Variants in DIAPH1 observed in about 807,000 individuals in gnomAD.
DIAPH1 encodes the protein diaphanous related formin 1.
In DIAPH1, 46 loss-of-function variants were observed where a neutral mutation model predicts 140.7. That is an observed-to-expected ratio of 0.33 (90% confidence interval 0.26 to 0.42). The LOEUF is 0.42. DIAPH1 is among the 10% of genes least tolerant of loss of function. DIAPH1 has a pLI of 1.00. For synonymous variants in DIAPH1, 565 were observed against 551.6 expected (o/e 1.02, Z -0.34); for missense variants, 1,310 against 1,558.7 (o/e 0.84, Z 2.69).
Position 141,516,743 on chromosome 5 carries a change from T to A in DIAPH1, c.*108A>T. On this transcript the variant is annotated 3_prime_UTR_variant, in exon 28 of 28. Transcript: ENST00000389054. ...AGAGAGAAAGACAGGGTCAGGGTGG[T>A]GGGAGTGGCCACCCCAGAGGAATAT... is the stretch of plus-strand genomic sequence containing the variant. 1 of 1,237,406 alleles carries A rather than the reference T, an allele frequency of 8.1e-7. No individual in the cohort carries two copies. The highest frequency in any genetic ancestry group is 1.2e-6 in the Non-Finnish European group (1 of 857,440). The allele number at this position is 1,237,406 out of a possible 1,614,324, so 76.7% of individuals were successfully genotyped here.
At chr5:141,583,394 C>T in intron 5 of DIAPH1, 91 bp downstream of exon 5, 2 of 1,609,762 alleles carry the variant, frequency 1.2e-6, no homozygotes, top group Non-Finnish European at 1.7e-6. Context: ...TCAGACTATT[C>T]TCATGCTTCC....
intron 14 of DIAPH1, among the ~76,000 whole-genome samples, chr5:141,575,656 A>G (rs529357786): frequency 1.4e-4 from 22 of 152,288 alleles, no homozygotes; most frequent in African/African-American, 4.6e-4. Context: ...CTCAAAAAAA[A>G]AACAAATAAA....
At chr5:141,558,461 G>A (rs912534209) in intron 18 of DIAPH1, 1 of 152,094 alleles carries the variant, frequency 6.6e-6, no homozygotes, top group Non-Finnish European at 1.5e-5. Context: ...CTGACATCCT[G>A]GAAACTACGT....
chr5:141,544,367 TTGA>T lies in DIAPH1; in HGVS notation c.2483-9937_2483-9935del, dbSNP rs571099063. On this transcript the variant is annotated intron_variant, in intron 18 of 27. Transcript: ENST00000389054. ...AGAATACAAAACATAAAAAGAAAAA[TTGA>T]TGAAGCAGACTTCATCAAAATTAAA... Among the ~76,000 whole-genome samples, 469 of 151,276 alleles carry T rather than the reference TTGA, an allele frequency of 3.1e-3. 3 individuals are homozygous for T. The highest frequency in any genetic ancestry group is 2.7e-3 in the Non-Finnish European group (186 of 67,674).
chr5:141,583,133 T>C, intron 6 of DIAPH1, 73 bp downstream of exon 6: 1 of 1,303,494 alleles, frequency 7.7e-7, no homozygotes. Context: ...ACTGCTACTT[T>C]CTCCTTCAGA....
intron 18 of DIAPH1, among the ~76,000 whole-genome samples, chr5:141,547,970 C>T (rs1305412787): frequency 2.6e-5 from 4 of 152,056 alleles, no homozygotes; most frequent in Non-Finnish European, 4.4e-5. Flanking sequence ...GGCTAATGTG[C>T]GTGGATTCCT....
chr5:141,589,474 C>A (rs2099898041), intron 1 of DIAPH1, among the ~76,000 whole-genome samples: 2 of 152,044 alleles, frequency 1.3e-5, no homozygotes, highest in East Asian at 1.9e-4. Context: ...ACAAGGAAAG[C>A]AATTTCACAA....
rs982416656 is a variant in DIAPH1, at chr5:141,534,328, T to C, written c.2581+7A>G. The C allele has an allele frequency of 6.3e-7, 1 of 1,599,224 alleles. No homozygotes were observed. Among genetic ancestry groups the C allele is most frequent in the Admixed American group, 1.7e-5 (1 of 60,004 alleles). On this transcript the variant is annotated splice_region_variant and intron_variant, in intron 19 of 27. Coordinates refer to ENST00000389054, the MANE Select transcript of DIAPH1 (RefSeq NM_005219.5). ...ATTTTGAATAGTTGGGACCAAGAGA[T>C]ACTCACAGAGATTCTGGGCTGTCTT...
intron 1 of DIAPH1, among the ~76,000 whole-genome samples, chr5:141,596,102 G>A (rs774802233): frequency 3.5e-4 from 53 of 152,198 alleles, no homozygotes; most frequent in Admixed American, 5.9e-4. Flanking sequence ...GGCTGAGGCA[G>A]GTGGATTGCG....
intron 1 of DIAPH1, among the ~76,000 whole-genome samples, chr5:141,615,885 A>G (rs2154597464): frequency 6.6e-6 from 1 of 152,352 alleles, no homozygotes; most frequent in African/African-American, 2.4e-5. Context: ...GCCTCCTAAC[A>G]TCCCGGTTCT....
At position 141,576,093 on chromosome 5, in the gene DIAPH1, T is replaced by C. The variant is rs990213336; in HGVS notation, c.1461+137A>G. On this transcript the variant is annotated intron_variant, in intron 14 of 27. Coordinates refer to ENST00000389054, the MANE Select transcript of DIAPH1 (RefSeq NM_005219.5). ...CAATGACTACCCTATACTGGAAAGG[T>C]TTCCCCTGGGAACTACACTATTGGG... The C allele has an allele frequency of 1.2e-5, 9 of 728,826 alleles. No homozygotes were observed. The African/African-American group carries it at 1.4e-4, about 11-fold the overall frequency. The allele number at this position is 728,826 out of a possible 1,614,324, so 45.1% of individuals were successfully genotyped here.
chr5:141,607,453 A>C (rs1159408334), intron 1 of DIAPH1, among the ~76,000 whole-genome samples: 1 of 152,268 alleles, frequency 6.6e-6, no homozygotes, highest in Non-Finnish European at 1.5e-5. Context: ...AGCGGAAATA[A>C]CTTGCTGAAA....
intron 20 of DIAPH1, 73 bp from the exon 21 acceptor site, chr5:141,529,346 G>T: frequency 8.3e-7 from 1 of 1,199,670 alleles, no homozygotes; most frequent in Non-Finnish European, 1.2e-6. Flanking sequence ...CTTTTACTCT[G>T]TTGTCAGTCC....
Position 141,528,683 on chromosome 5 carries a change from C to A in DIAPH1, c.3018+19G>T, listed in dbSNP as rs760933407. On this transcript the variant is annotated intron_variant, in intron 22 of 27. Coordinates refer to ENST00000389054, the MANE Select transcript of DIAPH1 (RefSeq NM_005219.5). Reference sequence around the variant, plus strand: ...CTACAGCCTTCCTTGTGTTGTCCTGCCCTACCTCTTTGGCTCACCTTACAG... The same window carrying A: ...CTACAGCCTTCCTTGTGTTGTCCTGACCTACCTCTTTGGCTCACCTTACAG... 6.2e-7 allele frequency: 1 copy of A among 1,614,230 alleles called. No individual in the cohort carries two copies. Among genetic ancestry groups the A allele is most frequent in the East Asian group, 2.2e-5 (1 of 44,884 alleles).
chr5:141,615,837 G>C (rs2099902605), intron 1 of DIAPH1, among the ~76,000 whole-genome samples: 1 of 152,284 alleles, frequency 6.6e-6, no homozygotes, highest in African/African-American at 2.4e-5. Flanking sequence ...TTATATGAGA[G>C]TGCATACAAA....
At chr5:141,601,733 T>A (rs565047652) in intron 1 of DIAPH1, among the ~76,000 whole-genome samples, 5 of 152,162 alleles carry the variant, frequency 3.3e-5, no homozygotes, top group Admixed American at 6.5e-5. Context: ...TCACTACAGG[T>A]TTAGGAGCAT....
intron 18 of DIAPH1, among the ~76,000 whole-genome samples, chr5:141,552,194 T>C (rs1242779100): frequency 7.1e-6 from 1 of 139,898 alleles, no homozygotes; most frequent in Non-Finnish European, 1.5e-5. Context: ...GTTTTTGTTG[T>C]TTTTTTTTTT....
At chr5:141,575,464 C>T (rs907277955) in intron 14 of DIAPH1, among the ~76,000 whole-genome samples, 6 of 152,130 alleles carry the variant, frequency 3.9e-5, no homozygotes, top group African/African-American at 1.4e-4. Flanking sequence ...ACCTGTCCAA[C>T]ATGGTGAACC....
chr5:141,583,174 A>G (rs769182024), intron 6 of DIAPH1, 32 bp downstream of exon 6: 6 of 1,588,544 alleles, frequency 3.8e-6, no homozygotes, highest in Non-Finnish European at 5.2e-6. Context: ...TGACTCTCCA[A>G]CTTGAAGTTG....
Sources: gnomAD v4.1 joint callset for allele counts (sites outside exome capture counted in the v4.1 genomes callset) on GRCh38, gnomAD v4.1.1 for gene constraint, MANE v1.5 for transcripts, NCBI Gene and HGNC (gene_info 2026-07-23, HGNC 2026-07-21) for gene names.